Variants in ZFYVE28 observed in about 807,000 individuals in gnomAD.
ZFYVE28 encodes the protein lateral signaling target protein 2 homolog.
A neutral mutation model predicts 82.1 loss-of-function variants in ZFYVE28; 40 were observed. That is an observed-to-expected ratio of 0.49 (90% CI 0.38 to 0.63). The LOEUF (loss-of-function observed/expected upper bound fraction) is 0.63. Among genes scored for constraint, ZFYVE28 ranks in the 30% least tolerant of loss-of-function variants. The pLI is 0.00. For synonymous variants in ZFYVE28, 612 were observed against 546.1 expected, an observed-to-expected ratio of 1.12 and a Z score of -1.68; for missense variants, 1,321 against 1,242.1, an observed-to-expected ratio of 1.06 and a Z score of -0.96.
chr4:2,376,710 C>T (rs532937705), intron 1 of ZFYVE28, among the ~76,000 whole-genome samples: 39 of 152,224 alleles, frequency 2.6e-4, no homozygotes, highest in Non-Finnish European at 4.6e-4. Context: ...GTCCCTCCCA[C>T]GACATGTGGG....
intron 8 of ZFYVE28, chr4:2,287,087 A>C (rs954043545): frequency 6.6e-6 from 1 of 152,242 alleles, no homozygotes; most frequent in African/African-American, 2.4e-5. Flanking sequence ...CGGCAGGAGG[A>C]TCATCCCCTA....
At chr4:2,400,462 G>A (rs1426196435) in intron 1 of ZFYVE28, among the ~76,000 whole-genome samples, 3 of 151,884 alleles carry the variant, frequency 2.0e-5, no homozygotes, top group Admixed American at 6.6e-5. Flanking sequence ...CCCAGGTCCC[G>A]AGCCACCCCA....
chr4:2,308,608 G>A (rs558313245), intron 7 of ZFYVE28, among the ~76,000 whole-genome samples: 16 of 99,722 alleles, frequency 1.6e-4, no homozygotes, highest in African/African-American at 3.0e-4. Context: ...GACAGAGAGA[G>A]AGAAAGAAAG....
intron 1 of ZFYVE28, chr4:2,364,387 C>T: frequency 2.1e-6 from 2 of 963,776 alleles, no homozygotes; most frequent in Non-Finnish European, 2.5e-6. Context: ...GCCCTGCCCG[C>T]CCCAAGGGCA....
intron 2 of ZFYVE28, 66 bp downstream of exon 2, chr4:2,353,867 C>T (rs1378565066): frequency 2.2e-6 from 3 of 1,361,044 alleles, no homozygotes; most frequent in African/African-American, 3.0e-5. Flanking sequence ...CCTTGGTCTA[C>T]TGAGGACAGG....
intron 1 of ZFYVE28, among the ~76,000 whole-genome samples, chr4:2,374,630 A>G (rs190446481): frequency 6.7e-6 from 1 of 148,878 alleles, no homozygotes; most frequent in African/African-American, 2.4e-5. Flanking sequence ...AGAAAAGAAG[A>G]AGAAGGAGAA....
In ZFYVE28 at chr4:2,305,355, C is replaced by A; in HGVS notation, c.985G>T (p.Ala329Ser). Residue 329 changes from alanine to serine, a missense_variant, in exon 8 of 13, where the codon GCA becomes TCA. Ala to Ser is a moderately conservative substitution (Grantham distance 99). Around this residue, in one of 2 missense-constraint regions of ZFYVE28, gnomAD observed 978 missense variants for 833.7 expected, o/e 1.17. Coordinates refer to ENST00000290974, the MANE Select transcript of ZFYVE28 (RefSeq NM_020972.3). ...TACTGCATGGAGCAGGCCAGCTCTG[C>A]ATCCGGGTCTTTGGCCTTAGCTGAG... ...PLSAKAKDPD[A>S]ELACSMQYDD... 1.2e-6 allele frequency: 2 copies of A among 1,612,758 alleles called. No homozygotes were observed. Among genetic ancestry groups the A allele is most frequent in the Non-Finnish European group, 1.7e-6 (2 of 1,179,762 alleles).
chr4:2,392,476 G>A (rs140453294), intron 1 of ZFYVE28, among the ~76,000 whole-genome samples: 258 of 152,232 alleles, frequency 1.7e-3, no homozygotes, highest in Non-Finnish European at 2.6e-3. Flanking sequence ...GTTACATTAC[G>A]TCTTCTTTCA....
intron 1 of ZFYVE28, among the ~76,000 whole-genome samples, chr4:2,363,443 G>T (rs1371476495): frequency 6.6e-6 from 1 of 152,140 alleles, no homozygotes; most frequent in African/African-American, 2.4e-5. Context: ...CTCCCTGGAA[G>T]CAGGGTGTCC....
chr4:2,374,371 G>T (rs1727887324), intron 1 of ZFYVE28, among the ~76,000 whole-genome samples: 1 of 152,184 alleles, frequency 6.6e-6, no homozygotes, highest in South Asian at 2.1e-4. Flanking sequence ...CAGAATTTTG[G>T]ACGGCCAAGG....
Position 2,418,318 on chromosome 4 carries a change from C to A in ZFYVE28, c.6G>T (p.Met2Ile). The A allele has an allele frequency of 1.3e-6, 2 of 1,526,646 alleles. No individual in the cohort carries two copies. The highest frequency in any genetic ancestry group is 2.4e-5 in the South Asian group (2 of 82,034). 94.6% of individuals were successfully genotyped at this position (1,526,646 alleles called of 1,614,324 possible). The change falls in exon 1 of 13, where the codon ATG becomes ATT. Residue 2 changes from methionine (M) to isoleucine (I), a missense_variant. By Grantham distance (10) the Met-to-Ile change is conservative (BLOSUM62 1). This residue lies in a region of ZFYVE28 where 343 missense variants were observed against 408.4 expected (regional missense o/e 0.84). Coordinates refer to ENST00000290974, the MANE Select transcript of ZFYVE28 (RefSeq NM_020972.3). This position sits in a 1 kb window ranked among gnomAD's most constrained non-coding sequence, Gnocchi z 4.6. Reference protein sequence around the residue: MMNRFRKWLYKP... With the variant: MINRFRKWLYKP... ...TGTAGAGCCACTTTCGGAACCTGTT[C>A]ATCATCGCCGCGCCGGCCCTGGCCG...
chr4:2,310,218 T>C (rs1001094074), intron 7 of ZFYVE28, among the ~76,000 whole-genome samples: 1 of 152,082 alleles, frequency 6.6e-6, no homozygotes, highest in African/African-American at 2.4e-5. Flanking sequence ...TGTAAATTTT[T>C]TGTAGAGATC....
intron 8 of ZFYVE28, among the ~76,000 whole-genome samples, chr4:2,287,974 C>A (rs988947648): frequency 2.6e-5 from 4 of 152,184 alleles, no homozygotes; most frequent in Admixed American, 1.3e-4. Flanking sequence ...TCTTGGGATT[C>A]AGTTAGGAAC....
chr4:2,340,331 G>A (rs1005709958), intron 3 of ZFYVE28, among the ~76,000 whole-genome samples: 3 of 152,318 alleles, frequency 2.0e-5, no homozygotes, highest in South Asian at 2.1e-4. Context: ...CCCAGCGTGC[G>A]CTCAGCAACT....
intron 8 of ZFYVE28, among the ~76,000 whole-genome samples, chr4:2,288,586 G>A (rs1180310595): frequency 6.6e-6 from 1 of 152,248 alleles, no homozygotes; most frequent in Admixed American, 6.5e-5. Flanking sequence ...GTGAGTCACA[G>A]GTTAGGCAGT....
intron 1 of ZFYVE28, among the ~76,000 whole-genome samples, chr4:2,412,239 G>A (rs1276691976): frequency 6.6e-6 from 1 of 152,170 alleles, no homozygotes; most frequent in African/African-American, 2.4e-5. Context: ...CCTGGCTGGA[G>A]GAACTGGAAG....
chr4:2,322,481 G>A (rs975202904), intron 6 of ZFYVE28, among the ~76,000 whole-genome samples: 1 of 152,030 alleles, frequency 6.6e-6, no homozygotes, highest in Non-Finnish European at 1.5e-5. Flanking sequence ...AGGGGTGTGG[G>A]GGCACTGTGA....
chr4:2,271,889 C>A, intron 10 of ZFYVE28, 110 bp from the exon 11 acceptor site: 1 of 953,930 alleles, frequency 1.0e-6, no homozygotes, highest in Non-Finnish European at 1.6e-6. Context: ...CGGTCAGCTC[C>A]CCAAGCCCAC....
At chr4:2,286,653 G>A (rs979037588) in intron 8 of ZFYVE28, 3 of 152,222 alleles carry the variant, frequency 2.0e-5, no homozygotes, top group African/African-American at 7.2e-5. Flanking sequence ...CTGAGACGTG[G>A]GCTCTTGGTG....
Sources: allele counts gnomAD v4.1 joint callset (sites outside exome capture counted in the v4.1 genomes callset), GRCh38; gene constraint gnomAD v4.1.1; regional missense constraint gnomAD v4.1.1; non-coding constraint Gnocchi (gnomAD v3.1); transcripts MANE v1.5; gene names NCBI Gene and HGNC (gene_info 2026-07-23, HGNC 2026-07-21).